Variants in ACSS3 observed in about 807,000 individuals in gnomAD.
ACSS3 encodes acyl-CoA synthetase short chain family member 3, also known as acyl-CoA synthetase short-chain family member 3, mitochondrial.
In ACSS3, 64 loss-of-function variants were observed where a neutral mutation model predicts 84.2. The ratio of observed to expected loss-of-function variants is 0.76; its 90% CI spans 0.62 to 0.94. ACSS3 has a LOEUF of 0.94. ACSS3 is among the 40% of genes least tolerant of loss of function. The pLI, the probability that ACSS3 is intolerant of heterozygous loss-of-function variation, is 0.00. For synonymous variants in ACSS3, 317 were observed against 310.1 expected, an observed-to-expected ratio of 1.02 and a Z score of -0.23; for missense variants, 815 against 867.6, an observed-to-expected ratio of 0.94 and a Z score of 0.76.
At chr12:81,246,925 C>T (rs150706690) in intron 13 of ACSS3, among the ~76,000 whole-genome samples, 28 of 152,044 alleles carry the variant, frequency 1.8e-4, no homozygotes, top group East Asian at 9.7e-4. Context: ...TATGTACCCC[C>T]GAATCTAAAA....
Position 81,094,186 on chromosome 12 carries a change from G to C in ACSS3, c.312-15374G>C, listed in dbSNP as rs568946750. 5.4e-3 allele frequency among the ~76,000 whole-genome samples: 797 copies of C among 147,206 alleles called. 3 individuals carry two copies. Among genetic ancestry groups the C allele is most frequent in the African/African-American group, 9.5e-3 (378 of 39,900 alleles). ...TCTCTCTCTCTCTGTCTCTCTCTCT[G>C]TGTGTGTGTGTGTGTGTGTGTGTGT... On this transcript the variant is annotated intron_variant, in intron 1 of 15. Transcript: ENST00000548058.
At chr12:81,143,279 G>T (rs769697970) in intron 5 of ACSS3, 32 bp downstream of exon 5, 4 of 1,493,766 alleles carry the variant, frequency 2.7e-6, no homozygotes, top group Non-Finnish European at 1.8e-6. Flanking sequence ...ACTATCTATA[G>T]CAGTAGATTT....
At chr12:81,216,000 T>C (rs533464330) in intron 9 of ACSS3, among the ~76,000 whole-genome samples, 11 of 152,256 alleles carry the variant, frequency 7.2e-5, no homozygotes, top group African/African-American at 1.9e-4. Context: ...TTTTGGGGCT[T>C]CTAACATCCA....
At chr12:81,114,684 T>G (rs1883890852) in intron 2 of ACSS3, among the ~76,000 whole-genome samples, 1 of 152,156 alleles carries the variant, frequency 6.6e-6, no homozygotes, top group Non-Finnish European at 1.5e-5. Context: ...TTTCCATGCT[T>G]GGTAAATAGG....
chr12:81,120,170 T>C (rs1479997515), intron 2 of ACSS3, among the ~76,000 whole-genome samples: 3 of 152,186 alleles, frequency 2.0e-5, no homozygotes, highest in African/African-American at 7.2e-5. Context: ...TAGTTAATAA[T>C]GAAAATGTGC....
intron 8 of ACSS3, among the ~76,000 whole-genome samples, chr12:81,185,866 T>A (rs868608425): frequency 3.3e-4 from 50 of 151,806 alleles, no homozygotes; most frequent in African/African-American, 1.2e-3. Flanking sequence ...ATCCTAAAAT[T>A]TGTATGAAAA....
At chr12:81,208,702 C>T (rs1044684985) in intron 9 of ACSS3, among the ~76,000 whole-genome samples, 1 of 152,020 alleles carries the variant, frequency 6.6e-6, no homozygotes, top group South Asian at 2.1e-4. Context: ...GTTCCTGGAA[C>T]AATATTCAAA....
At chr12:81,218,553 A>G (rs1388168669) in intron 10 of ACSS3, among the ~76,000 whole-genome samples, 1 of 152,164 alleles carries the variant, frequency 6.6e-6, no homozygotes, top group Non-Finnish European at 1.5e-5. Context: ...GGAAATAGAT[A>G]TTCTGTGAAG....
In ACSS3 at chr12:81,251,749, TGGAG is replaced by T. The variant is rs1353762097; in HGVS notation, c.1720-1556_1720-1553del. Among the ~76,000 whole-genome samples the T allele has an allele frequency of 5.3e-5, 8 of 151,330 alleles. No homozygotes were observed. In the East Asian group the frequency reaches 1.6e-3, roughly 29 times the overall value. On this transcript the variant is annotated intron_variant, in intron 13 of 15. Coordinates refer to ENST00000548058, the MANE Select transcript of ACSS3 (RefSeq NM_024560.4). The stretch of plus-strand genomic sequence containing the variant: ...AACCAGCTGTTGAAGAGGCTGAGGT[TGGAG>T]GATCACCTGAGCCTGGGAGATTGAG...
chr12:81,241,862 T>G (rs1033789888), intron 13 of ACSS3, among the ~76,000 whole-genome samples: 1 of 152,342 alleles, frequency 6.6e-6, no homozygotes, highest in Admixed American at 6.5e-5. Context: ...TTGTCAATTC[T>G]GGCTTTTGTT....
intron 11 of ACSS3, among the ~76,000 whole-genome samples, chr12:81,228,538 T>C (rs1002457770): frequency 3.3e-5 from 5 of 151,848 alleles, no homozygotes; most frequent in Non-Finnish European, 7.4e-5. Flanking sequence ...TTCTCTCTAT[T>C]ACAAATTGCT....
At chr12:81,141,674 T>C (rs1163676967) in intron 4 of ACSS3, among the ~76,000 whole-genome samples, 2 of 152,224 alleles carry the variant, frequency 1.3e-5, no homozygotes, top group Non-Finnish European at 2.9e-5. Flanking sequence ...CAACCTGTAA[T>C]TATTTTTGTG....
rs1035565737 is a variant in ACSS3, at chr12:81,179,631, G to A, written c.1250+4692G>A. ...TGAAAATATAAAAAATTAGCCAGGC[G>A]TGGTGGTGGGTGCCTGTAATCCCAG... On this transcript the variant is annotated intron_variant, in intron 8 of 15. Coordinates refer to ENST00000548058, the MANE Select transcript of ACSS3 (RefSeq NM_024560.4). 8.6e-5 allele frequency among the ~76,000 whole-genome samples: 13 copies of A among 151,880 alleles called. 1 individual carries two copies. The highest frequency in any genetic ancestry group is 2.4e-5 in the African/African-American group (1 of 41,346).
intron 7 of ACSS3, among the ~76,000 whole-genome samples, chr12:81,155,227 CTCTT>C (rs1337465488): frequency 6.6e-6 from 1 of 152,178 alleles, no homozygotes; most frequent in African/African-American, 2.4e-5. Context: ...TTCTTTTCTT[CTCTT>C]TGTTTCTTTC....
intron 7 of ACSS3, among the ~76,000 whole-genome samples, chr12:81,159,309 A>G (rs2135777902): frequency 6.6e-6 from 1 of 152,294 alleles, no homozygotes; most frequent in East Asian, 1.9e-4. Context: ...TCCTATCTCA[A>G]GAACCTAGGA....
At chr12:81,194,067 G>T (rs1363364771) in intron 8 of ACSS3, among the ~76,000 whole-genome samples, 1 of 151,356 alleles carries the variant, frequency 6.6e-6, no homozygotes. Context: ...CTGTTGAAAA[G>T]GTTACTATTT....
At chr12:81,165,798 A>G (rs1887374928) in intron 7 of ACSS3, among the ~76,000 whole-genome samples, 1 of 152,196 alleles carries the variant, frequency 6.6e-6, no homozygotes, top group East Asian at 1.9e-4. Context: ...TAACTCTTGC[A>G]TGCTGGCTTA....
rs373425092 is a variant in ACSS3 at position 81,190,957 on chromosome 12, T to C, written c.1251-8384T>C. On this transcript the variant is annotated intron_variant, in intron 8 of 15. Coordinates refer to ENST00000548058, the MANE Select transcript of ACSS3 (RefSeq NM_024560.4). ...TGAAATAAATACATCTTGGTTAATA[T>C]ATTATGCTTTTTAAATATAGCTGAA... Among the ~76,000 whole-genome samples, 115 of 152,142 alleles carry C rather than the reference T, an allele frequency of 7.6e-4. 1 individual carries two copies. The highest frequency in any genetic ancestry group is 2.7e-3 in the African/African-American group (112 of 41,558).
intron 1 of ACSS3, among the ~76,000 whole-genome samples, chr12:81,102,441 T>G (rs549482087): frequency 8.6e-5 from 13 of 151,992 alleles, no homozygotes; most frequent in Non-Finnish European, 1.6e-4. Flanking sequence ...CAGGTGAGGG[T>G]GCAGGAAGCA....
Sources: allele counts gnomAD v4.1 joint callset (sites outside exome capture counted in the v4.1 genomes callset), GRCh38; gene constraint gnomAD v4.1.1; transcripts MANE v1.5; gene names NCBI Gene and HGNC (gene_info 2026-07-23, HGNC 2026-07-21).